Variants in CLTC observed in about 807,000 individuals in gnomAD.
CLTC encodes the protein clathrin heavy chain 1.
Under a neutral mutation model 195.8 loss-of-function variants are expected in CLTC, and 16 were observed. The observed-to-expected ratio is 0.08, with a 90% CI of 0.06 to 0.12. The LOEUF (loss-of-function observed/expected upper bound fraction) is 0.12. Ranked by LOEUF, CLTC falls within the 10% of genes least tolerant of loss-of-function variation. The pLI is 1.00. For synonymous variants in CLTC, 667 were observed against 689.4 expected, an observed-to-expected ratio of 0.97 and a Z score of 0.51; for missense variants, 796 against 2,027.0, an observed-to-expected ratio of 0.39 and a Z score of 11.66.
intron 2 of CLTC, among the ~76,000 whole-genome samples, chr17:59,645,220 T>G (rs1007146139): frequency 6.6e-6 from 1 of 152,196 alleles, no homozygotes. Flanking sequence ...CTTTTTTTTT[T>G]ATACTTCGGG....
intron 28 of CLTC, among the ~76,000 whole-genome samples, chr17:59,684,792 G>C (rs2033145713): frequency 8.7e-6 from 1 of 115,306 alleles, no homozygotes; most frequent in African/African-American, 3.3e-5. Flanking sequence ...GGGCAACAGA[G>C]GGAGACTCCA....
At chr17:59,664,091 C>T (rs1852683523) in intron 9 of CLTC, 97 bp downstream of exon 9, 1 of 1,022,600 alleles carries the variant, frequency 9.8e-7, no homozygotes, top group African/African-American at 1.6e-5. Context: ...TAGTGAATTT[C>T]CTTTCATTTT....
intron 3 of CLTC, among the ~76,000 whole-genome samples, chr17:59,647,903 T>G (rs1034024410): frequency 1.3e-5 from 2 of 152,192 alleles, no homozygotes; most frequent in African/African-American, 4.8e-5. Context: ...TACCAAGCGT[T>G]TTTAGCTCTT....
At chr17:59,637,378 G>A (rs1343977148) in intron 1 of CLTC, among the ~76,000 whole-genome samples, 1 of 151,102 alleles carries the variant, frequency 6.6e-6, no homozygotes, top group African/African-American at 2.4e-5. Flanking sequence ...CCGAGTAGCT[G>A]GGACTACAGG....
At chr17:59,661,719 C>A in intron 8 of CLTC, 76 bp downstream of exon 8, 1 of 1,255,008 alleles carries the variant, frequency 8.0e-7, no homozygotes, top group Non-Finnish European at 1.2e-6. Flanking sequence ...ATCATTTAGG[C>A]TGCACCACAA....
chr17:59,665,337 A>G (rs889706297), intron 10 of CLTC, among the ~76,000 whole-genome samples: 2 of 152,222 alleles, frequency 1.3e-5, no homozygotes, highest in African/African-American at 4.8e-5. Flanking sequence ...AATGGACAGT[A>G]TGAAACCATC....
At position 59,647,795 on chromosome 17, in the gene CLTC, T is replaced by C. The variant is rs1386813393; in HGVS notation, c.519+129T>C. ...GAATTTCACTTATTTTGGAAGACTT[T>C]TTTTTTCCTTCCTCCCATCCCTTCT... On this transcript the variant is annotated intron_variant, in intron 3 of 31. Coordinates refer to ENST00000269122, the MANE Select transcript of CLTC (RefSeq NM_004859.4). The C allele has an allele frequency of 1.5e-5, 12 of 822,654 alleles. No individual in the cohort carries two copies. In the East Asian group the frequency reaches 2.9e-4, roughly 20 times the overall value. The allele number at this position is 822,654 out of a possible 1,614,324, so 51.0% of individuals were successfully genotyped here.
chr17:59,693,360 C>CTT (rs56119322), intron 31 of CLTC, among the ~76,000 whole-genome samples: 1 of 136,722 alleles, frequency 7.3e-6, no homozygotes, highest in African/African-American at 2.8e-5. Context: ...GAGCCAGATT[C>CTT]TTTTTTTTTT....
chr17:59,625,340 T>C (rs1275878177), intron 1 of CLTC, among the ~76,000 whole-genome samples: 5 of 151,956 alleles, frequency 3.3e-5, no homozygotes, highest in Admixed American at 3.3e-4. Flanking sequence ...TTGGTCAGGA[T>C]GGTCTCAATC....
At chr17:59,647,038 TAA>T (rs895503222) in intron 2 of CLTC, among the ~76,000 whole-genome samples, 2 of 152,204 alleles carry the variant, frequency 1.3e-5, no homozygotes, top group African/African-American at 4.8e-5. Flanking sequence ...TACATGCAAC[TAA>T]GTTTATGTGT....
At chr17:59,643,679 T>A (rs1036311980) in intron 1 of CLTC, among the ~76,000 whole-genome samples, 9 of 152,204 alleles carry the variant, frequency 5.9e-5, no homozygotes, top group Non-Finnish European at 1.2e-4. Context: ...TACCACATGC[T>A]CTTTCTGTTG....
rs1014830536 is a variant in CLTC, at chr17:59,694,428, G to A, written c.*576G>A. ...GACAACTTGCCTGATTTTTAAATGAGCGTAAAAGGCCCTCTAACCTATGCA... is the reference window on the plus strand; with the variant it reads ...GACAACTTGCCTGATTTTTAAATGAACGTAAAAGGCCCTCTAACCTATGCA... On this transcript the variant is annotated 3_prime_UTR_variant, in exon 32 of 32. Coordinates refer to ENST00000269122, the MANE Select transcript of CLTC (RefSeq NM_004859.4). 8.9e-6 allele frequency: 2 copies of A among 224,432 alleles called. No homozygotes were observed. The highest frequency in any genetic ancestry group is 1.8e-5 in the Non-Finnish European group (2 of 112,420). 13.9% of individuals were successfully genotyped at this position (224,432 alleles called of 1,614,324 possible). A position where few individuals can be genotyped will look rare whatever the true frequency, so the allele number is the denominator to read the frequency against.
At chr17:59,629,904 T>C (rs940677447) in intron 1 of CLTC, among the ~76,000 whole-genome samples, 2 of 152,196 alleles carry the variant, frequency 1.3e-5, no homozygotes, top group African/African-American at 4.8e-5. Context: ...AACTGCACCA[T>C]TATGATTGCT....
At chr17:59,639,118 G>T (rs560116783) in intron 1 of CLTC, among the ~76,000 whole-genome samples, 1 of 152,162 alleles carries the variant, frequency 6.6e-6, no homozygotes, top group Non-Finnish European at 1.5e-5. Context: ...TACAAAGTTT[G>T]GGTGCTTTTC....
intron 7 of CLTC, among the ~76,000 whole-genome samples, chr17:59,660,844 T>C (rs937550929): frequency 2.4e-4 from 36 of 152,210 alleles, no homozygotes; most frequent in African/African-American, 8.0e-4. Flanking sequence ...TACATAGATG[T>C]AGTAATGTTT....
Position 59,685,874 on chromosome 17 carries a change from AT to A in CLTC, c.4827+73del. ...CATGTAAAATTCTACATGCACATTA[AT>A]TTTTTTAAATGCTTTTTTCTTTAGT... On this transcript the variant is annotated intron_variant, in intron 30 of 31. Transcript: ENST00000269122. The surrounding 1 kb of genome is among the most constrained non-coding windows in gnomAD (Gnocchi z 5.0). 4 of 1,174,726 alleles carry A rather than the reference AT, an allele frequency of 3.4e-6. No individual in the cohort carries two copies. Among genetic ancestry groups the A allele is most frequent in the Non-Finnish European group, 3.6e-6 (3 of 831,444 alleles). 72.8% of individuals were successfully genotyped at this position (1,174,726 alleles called of 1,614,324 possible).
At chr17:59,639,674 A>C (rs1359212210) in intron 1 of CLTC, among the ~76,000 whole-genome samples, 1 of 152,126 alleles carries the variant, frequency 6.6e-6, no homozygotes, top group East Asian at 1.9e-4. Context: ...TCCATAGTGT[A>C]TAATTCAGTT....
chr17:59,664,759 C>A, intron 9 of CLTC, 28 bp from the exon 10 acceptor site: 2 of 1,598,414 alleles, frequency 1.3e-6, no homozygotes, highest in South Asian at 1.1e-5. Flanking sequence ...AACTTAGGAG[C>A]AGCGTTTAAG....
intron 15 of CLTC, 98 bp downstream of exon 15, chr17:59,673,870 G>T: frequency 1.5e-6 from 1 of 683,260 alleles, no homozygotes; most frequent in South Asian, 2.2e-5. Context: ...CAATAAGAGT[G>T]GTCTGCAGCT....
Sources: allele counts gnomAD v4.1 joint callset (sites outside exome capture counted in the v4.1 genomes callset), GRCh38; gene constraint gnomAD v4.1.1; non-coding constraint Gnocchi (gnomAD v3.1); transcripts MANE v1.5; gene names NCBI Gene and HGNC (gene_info 2026-07-23, HGNC 2026-07-21).